The following MDGA2 variants were observed in gnomAD, a reference collection of about 807,000 sequenced individuals.
MDGA2 encodes MAM domain-containing glycosylphosphatidylinositol anchor protein 2.
In MDGA2, 40 loss-of-function variants were observed where a neutral mutation model predicts 117.8. The ratio of observed to expected loss-of-function variants is 0.34; its 90% CI spans 0.26 to 0.44. The LOEUF (loss-of-function observed/expected upper bound fraction) is 0.44, where lower values mean the gene tolerates loss of function less well. MDGA2 is among the 20% of genes least tolerant of loss of function. The pLI is 1.00. For missense variants in MDGA2, 1,123 were observed against 1,250.6 expected (o/e 0.90, Z 1.54); for synonymous variants, 452 against 439.0 (o/e 1.03, Z -0.37).
intron 8 of MDGA2, among the ~76,000 whole-genome samples, chr14:46,960,902 ATATT>A (rs10606201): frequency 0.057 from 8,497 of 147,814 alleles, 277 homozygotes; most frequent in Non-Finnish European, 0.073. Context: ...ATATGTATAT[ATATT>A]TAATGTTTTA....
intron 1 of MDGA2, among the ~76,000 whole-genome samples, chr14:47,337,155 C>T (rs928570698): frequency 3.9e-5 from 6 of 152,062 alleles, no homozygotes; most frequent in Non-Finnish European, 5.9e-5. Flanking sequence ...ATAGTGATAC[C>T]GTTTTTATAT....
chr14:47,434,005 T>C (rs10138882), intron 1 of MDGA2, among the ~76,000 whole-genome samples: 61,138 of 151,908 alleles, frequency 0.4, 12,448 homozygotes, highest in South Asian at 0.57. Flanking sequence ...TTTTAAACCA[T>C]TGCTAAATAA....
chr14:46,877,356 A>G (rs1245262818), intron 12 of MDGA2, 133 bp downstream of exon 12: 5 of 484,662 alleles, frequency 1.0e-5, no homozygotes, highest in Non-Finnish European at 1.5e-5. Flanking sequence ...TTTAATGCCA[A>G]TTTTACTGAT....
At chr14:47,561,141 G>GTTTTTTTTTTTTTTT in intron 1 of MDGA2, among the ~76,000 whole-genome samples, 1 of 52,156 alleles carries the variant, frequency 1.9e-5, no homozygotes, top group Admixed American at 2.4e-4. Flanking sequence ...CTCTATCTTT[G>GTTTTTTTTTTTTTTT]TTTTTTTTTT....
At chr14:46,947,257 T>C (rs895467831) in intron 9 of MDGA2, among the ~76,000 whole-genome samples, 1 of 152,136 alleles carries the variant, frequency 6.6e-6, no homozygotes, top group Non-Finnish European at 1.5e-5. Context: ...AACTCCATTA[T>C]CTCTCTGCAT....
intron 2 of MDGA2, among the ~76,000 whole-genome samples, chr14:47,268,405 A>G (rs1055771790): frequency 2.0e-5 from 3 of 152,154 alleles, no homozygotes; most frequent in African/African-American, 4.8e-5. Flanking sequence ...AGGCAAATTC[A>G]TTATAAAAAT....
chr14:47,381,361 G>A lies in MDGA2; in HGVS notation c.281-79811C>T, dbSNP rs561718279. On this transcript the variant is annotated intron_variant, in intron 1 of 16. Transcript: ENST00000399232. ...ACATAGCGTTGGAAGTTCTGGCCAG[G>A]GCAATCAGACAGGAGAAAGAAATAA... is the stretch of plus-strand genomic sequence containing the variant. Among the ~76,000 whole-genome samples, 927 of 152,174 alleles carry A rather than the reference G, an allele frequency of 6.1e-3. 7 individuals carry two copies. Among genetic ancestry groups the A allele is most frequent in the Non-Finnish European group, 8.2e-3 (558 of 68,010 alleles).
intron 1 of MDGA2, among the ~76,000 whole-genome samples, chr14:47,428,970 TA>T (rs1044268804): frequency 1.3e-5 from 2 of 151,824 alleles, no homozygotes; most frequent in Admixed American, 1.3e-4. Flanking sequence ...AGTTATTATA[TA>T]AAAAAACTAA....
intron 1 of MDGA2, among the ~76,000 whole-genome samples, chr14:47,499,463 A>C (rs1894354189): frequency 6.6e-6 from 1 of 152,168 alleles, no homozygotes; most frequent in African/African-American, 2.4e-5. Context: ...CCCTTCTACC[A>C]ATAGTCACAA....
chr14:47,596,065 A>C (rs1465882871), intron 1 of MDGA2, among the ~76,000 whole-genome samples: 1 of 152,208 alleles, frequency 6.6e-6, no homozygotes, highest in Non-Finnish European at 1.5e-5. Context: ...CTGGCTGCAA[A>C]GGAAAGCTAG....
At chr14:47,364,675 T>A (rs1162491043) in intron 1 of MDGA2, among the ~76,000 whole-genome samples, 1 of 152,250 alleles carries the variant, frequency 6.6e-6, no homozygotes, top group African/African-American at 2.4e-5. Flanking sequence ...TTTGTTTTGT[T>A]GGTGTTATTT....
intron 8 of MDGA2, among the ~76,000 whole-genome samples, chr14:46,984,279 G>A (rs1242475255): frequency 1.3e-5 from 2 of 151,796 alleles, no homozygotes; most frequent in African/African-American, 4.8e-5. Context: ...CCTTAATAAT[G>A]TTCAGTAGAA....
chr14:46,978,381 T>C (rs1886547733), intron 8 of MDGA2, among the ~76,000 whole-genome samples: 1 of 151,986 alleles, frequency 6.6e-6, no homozygotes, highest in Non-Finnish European at 1.5e-5. Context: ...TATGCTAATA[T>C]TGAAGTGCTG....
chr14:47,590,399 G>C (rs991392334), intron 1 of MDGA2, among the ~76,000 whole-genome samples: 2 of 151,768 alleles, frequency 1.3e-5, no homozygotes, highest in Non-Finnish European at 2.9e-5. Context: ...GTTGGAATTT[G>C]ACAAAGTAAG....
In MDGA2 at chr14:47,353,035, T is replaced by C. The variant is rs138557121; in HGVS notation, c.281-51485A>G. Among the ~76,000 whole-genome samples, 1,018 of 152,224 alleles carry C rather than the reference T, an allele frequency of 6.7e-3. 5 individuals are homozygous for C. The highest frequency in any genetic ancestry group is 0.027 in the Middle Eastern group (8 of 294). Reference sequence around the variant, plus strand: ...ATTCAGGGTGAGCAGCTTGTAAGGATGAGGCAACATTAATTATTGCTTGAG... The same window carrying C: ...ATTCAGGGTGAGCAGCTTGTAAGGACGAGGCAACATTAATTATTGCTTGAG... On this transcript the variant is annotated intron_variant, in intron 1 of 16. Transcript: ENST00000399232.
At chr14:47,537,745 A>G (rs1043453481) in intron 1 of MDGA2, among the ~76,000 whole-genome samples, 2 of 152,124 alleles carry the variant, frequency 1.3e-5, no homozygotes, top group African/African-American at 4.8e-5. Flanking sequence ...GATCCTGTGC[A>G]AAAGAATTGT....
chr14:47,024,704 T>G (rs1430369353), intron 8 of MDGA2, among the ~76,000 whole-genome samples: 2 of 152,196 alleles, frequency 1.3e-5, no homozygotes, highest in African/African-American at 4.8e-5. Flanking sequence ...CTTCTTTCTT[T>G]AAGAAAATAG....
intron 1 of MDGA2, among the ~76,000 whole-genome samples, chr14:47,397,665 T>C (rs1055938527): frequency 2.0e-5 from 3 of 152,156 alleles, no homozygotes; most frequent in Non-Finnish European, 4.4e-5. Context: ...AAATAGATTA[T>C]CTCTATAAAT....
chr14:47,343,134 A>T, intron 1 of MDGA2: 1 of 1,207,204 alleles, frequency 8.3e-7, no homozygotes, highest in Non-Finnish European at 1.1e-6. Context: ...ACAATAATGA[A>T]ACAGCTGAGG....
Sources: allele counts gnomAD v4.1 joint callset (sites outside exome capture counted in the v4.1 genomes callset), GRCh38; gene constraint gnomAD v4.1.1; transcripts MANE v1.5; gene names NCBI Gene and HGNC (gene_info 2026-07-23, HGNC 2026-07-21).